GRM8: variants seen among roughly 807,000 people sequenced by gnomAD.
The protein encoded by GRM8 is glutamate metabotropic receptor 8.
Under a neutral mutation model 87.2 loss-of-function variants are expected in GRM8, and 47 were observed. The observed-to-expected ratio is 0.54, with a 90% CI of 0.43 to 0.69. The LOEUF is 0.69. GRM8 is among the 30% of genes least tolerant of loss of function. The probability of loss-of-function intolerance (pLI) is 0.00; values close to 1 mark genes in which losing one functional copy is unlikely to be tolerated. For missense variants in GRM8, 1,019 were observed against 1,139.2 expected, an observed-to-expected ratio of 0.89 and a Z score of 1.52; for synonymous variants, 396 against 404.5, an observed-to-expected ratio of 0.98 and a Z score of 0.25.
At chr7:126,475,184 G>T (rs1805760000) in intron 9 of GRM8, among the ~76,000 whole-genome samples, 1 of 152,072 alleles carries the variant, frequency 6.6e-6, no homozygotes, top group South Asian at 2.1e-4. Flanking sequence ...AATGAAAGAA[G>T]TGAAATGACT....
intron 3 of GRM8, among the ~76,000 whole-genome samples, chr7:126,983,083 C>T (rs1811701421): frequency 6.6e-6 from 1 of 152,172 alleles, no homozygotes; most frequent in South Asian, 2.1e-4. Flanking sequence ...AGCCTGTTGA[C>T]TTAAAGGTAG....
chr7:126,734,559 G>T (rs1240907830), intron 7 of GRM8, among the ~76,000 whole-genome samples: 1 of 151,510 alleles, frequency 6.6e-6, no homozygotes, highest in African/African-American at 2.4e-5. Flanking sequence ...AAAATTTGAT[G>T]AGTTTTTTGA....
At chr7:127,101,584 T>C (rs1825260717) in intron 3 of GRM8, among the ~76,000 whole-genome samples, 1 of 152,248 alleles carries the variant, frequency 6.6e-6, no homozygotes, top group Admixed American at 6.5e-5. Context: ...TGCTTGCTCC[T>C]GCTTTACCTT....
Position 126,531,530 on chromosome 7 carries a change from C to G in GRM8, c.2430+1422G>C, listed in dbSNP as rs140805768. ...CCACAGTCTCAGCAACACAGGGCAA[C>G]CTCCACCCTCTGGCATATTCATGTG... is the stretch of plus-strand genomic sequence containing the variant. On this transcript the variant is annotated intron_variant, in intron 9 of 10. Transcript: ENST00000339582. Among the ~76,000 whole-genome samples, 363 of 152,294 alleles carry G rather than the reference C, an allele frequency of 2.4e-3. 2 individuals are homozygous for G. Among genetic ancestry groups the G allele is most frequent in the African/African-American group, 8.3e-3 (347 of 41,562 alleles).
chr7:126,574,067 A>G (rs1288415953), intron 8 of GRM8, among the ~76,000 whole-genome samples: 1 of 152,182 alleles, frequency 6.6e-6, no homozygotes, highest in Non-Finnish European at 1.5e-5. Context: ...ACTTAAAGCA[A>G]TCTTCTAAAA....
chr7:126,794,047 T>C (rs1821669613), intron 6 of GRM8, among the ~76,000 whole-genome samples: 2 of 152,048 alleles, frequency 1.3e-5, no homozygotes, highest in South Asian at 4.1e-4. Flanking sequence ...ACACATAATA[T>C]TTACTTGCCT....
chr7:126,618,200 C>G (rs1250254897), intron 7 of GRM8, among the ~76,000 whole-genome samples: 1 of 152,198 alleles, frequency 6.6e-6, no homozygotes, highest in South Asian at 2.1e-4. Context: ...TGGAACAGAA[C>G]AGAGCCCTCA....
At chr7:126,503,601 A>C (rs998514813) in intron 9 of GRM8, among the ~76,000 whole-genome samples, 12 of 152,104 alleles carry the variant, frequency 7.9e-5, no homozygotes, top group Non-Finnish European at 1.8e-4. Flanking sequence ...AAAAGGTTTA[A>C]AATCTTTTAG....
At chr7:127,091,271 A>T (rs974495347) in intron 3 of GRM8, among the ~76,000 whole-genome samples, 3 of 151,924 alleles carry the variant, frequency 2.0e-5, no homozygotes, top group African/African-American at 7.3e-5. Flanking sequence ...AATTCCTGTC[A>T]TACCCCACTG....
chr7:126,833,534 C>T (rs3919444), intron 6 of GRM8, among the ~76,000 whole-genome samples: 105,157 of 152,016 alleles, frequency 0.69, 36,766 homozygotes, highest in African/African-American at 0.79. Context: ...TATGGTCAGG[C>T]TCTAACCTGA....
chr7:127,164,174 C>T (rs184975252), intron 2 of GRM8, among the ~76,000 whole-genome samples: 2 of 152,078 alleles, frequency 1.3e-5, no homozygotes, highest in African/African-American at 4.8e-5. Flanking sequence ...TCTGGCCATG[C>T]GATGTGCCTG....
chr7:126,775,898 A>G (rs1404117051), intron 6 of GRM8, among the ~76,000 whole-genome samples: 1 of 151,590 alleles, frequency 6.6e-6, no homozygotes, highest in African/African-American at 2.4e-5. Context: ...TGCACCACAC[A>G]CCTCTCTGCT....
chr7:126,672,834 C>G (rs900712417), intron 7 of GRM8, among the ~76,000 whole-genome samples: 2 of 152,166 alleles, frequency 1.3e-5, no homozygotes, highest in African/African-American at 2.4e-5. Context: ...ACTCCTGTAA[C>G]CAGAGCCTCT....
At chr7:126,577,404 C>T (rs1197673003) in intron 8 of GRM8, among the ~76,000 whole-genome samples, 1 of 152,140 alleles carries the variant, frequency 6.6e-6, no homozygotes, top group Admixed American at 6.6e-5. Context: ...TAGATTATCA[C>T]CCCAAAGGGC....
chr7:127,173,675 C>A (rs1478756635), intron 2 of GRM8, among the ~76,000 whole-genome samples: 2 of 152,180 alleles, frequency 1.3e-5, no homozygotes, highest in African/African-American at 2.4e-5. Flanking sequence ...GCCCTCCAAT[C>A]TTCCTGGAGC....
chr7:126,844,510 GA>G (rs1796541800), intron 6 of GRM8, among the ~76,000 whole-genome samples: 1 of 152,162 alleles, frequency 6.6e-6, no homozygotes, highest in African/African-American at 2.4e-5. Flanking sequence ...ATGATCTTGT[GA>G]AGTAGGTATT....
At chr7:127,167,614 T>C (rs1465988425) in intron 2 of GRM8, among the ~76,000 whole-genome samples, 1 of 152,130 alleles carries the variant, frequency 6.6e-6, no homozygotes, top group African/African-American at 2.4e-5. Flanking sequence ...GGATCTGTGA[T>C]CAGTGACTTT....
chr7:126,903,707 GTATATGTGTA>G (rs1802369700), intron 5 of GRM8, among the ~76,000 whole-genome samples: 9 of 124,044 alleles, frequency 7.3e-5, no homozygotes, highest in African/African-American at 2.7e-4. Flanking sequence ...ATATATATAT[GTATATGTGTA>G]TATATATATG....
intron 2 of GRM8, among the ~76,000 whole-genome samples, chr7:127,232,241 C>G (rs936905589): frequency 8.4e-4 from 118 of 140,754 alleles, no homozygotes; most frequent in Admixed American, 4.6e-3. Context: ...GAGAGAGAGA[C>G]AGACAGACAG....
Sources: allele counts gnomAD v4.1 joint callset (sites outside exome capture counted in the v4.1 genomes callset), GRCh38; gene constraint gnomAD v4.1.1; transcripts MANE v1.5; gene names NCBI Gene and HGNC (gene_info 2026-07-23, HGNC 2026-07-21).